The following CENPW variants were observed in gnomAD, a reference collection of about 807,000 sequenced individuals.
CENPW encodes cancer-up-regulated gene 2 protein.
Under a neutral mutation model 11.1 loss-of-function variants are expected in CENPW, and 3 were observed. That is an observed-to-expected ratio of 0.27 (90% confidence interval 0.12 to 0.70). The LOEUF is 0.70. Among genes scored for constraint, CENPW ranks in the 30% least tolerant of loss-of-function variants. The probability of loss-of-function intolerance (pLI) is 0.77; values close to 1 mark genes in which losing one functional copy is unlikely to be tolerated. For synonymous variants in CENPW, 38 were observed against 42.0 expected, an observed-to-expected ratio of 0.91 and a Z score of 0.37; for missense variants, 100 against 105.6, an observed-to-expected ratio of 0.95 and a Z score of 0.23.
chr6:126,342,773 T>A (rs1780338498), intron 1 of CENPW, among the ~76,000 whole-genome samples: 1 of 152,190 alleles, frequency 6.6e-6, no homozygotes, highest in Non-Finnish European at 1.5e-5. Flanking sequence ...AATTTGGAAA[T>A]TTTTGTATTC....
At chr6:126,390,618 C>T in the CENPW span, among the ~76,000 whole-genome samples, 3 of 151,794 alleles carry the variant, frequency 2.0e-5, no homozygotes, top group Admixed American at 2.0e-4. Flanking sequence ...ACAACTCCTA[C>T]CCTTGCACCA....
chr6:126,367,474 A>G, the CENPW span, among the ~76,000 whole-genome samples: 1 of 151,960 alleles, frequency 6.6e-6, no homozygotes, highest in African/African-American at 2.4e-5. Flanking sequence ...GACATGGTGG[A>G]AAAGGATAAA....
chr6:126,475,710 A>G, the CENPW span, among the ~76,000 whole-genome samples: 4 of 152,030 alleles, frequency 2.6e-5, no homozygotes, highest in Non-Finnish European at 5.9e-5. Flanking sequence ...ACTACTCTGC[A>G]AATACTTTAA....
the CENPW span, among the ~76,000 whole-genome samples, chr6:126,368,406 G>A: frequency 6.6e-6 from 1 of 152,078 alleles, no homozygotes; most frequent in Non-Finnish European, 1.5e-5. Context: ...AGGCACTTCT[G>A]AGAAAAAGTT....
the CENPW span, among the ~76,000 whole-genome samples, chr6:126,419,594 C>A: frequency 6.6e-6 from 1 of 152,132 alleles, no homozygotes; most frequent in Non-Finnish European, 1.5e-5. Context: ...TTACACAAAC[C>A]AATAACATAA....
chr6:126,408,994 G>T, the CENPW span, among the ~76,000 whole-genome samples: 1 of 151,002 alleles, frequency 6.6e-6, no homozygotes. Context: ...TACTAATTTG[G>T]GCTTTGGCTT....
chr6:126,343,635 C>T (rs982984508), intron 1 of CENPW, among the ~76,000 whole-genome samples: 1 of 152,152 alleles, frequency 6.6e-6, no homozygotes, highest in African/African-American at 2.4e-5. Flanking sequence ...TGGTGTAAGT[C>T]TAAGAGTCCA....
chr6:126,475,749 A>C, the CENPW span, among the ~76,000 whole-genome samples: 1 of 152,032 alleles, frequency 6.6e-6, no homozygotes. Flanking sequence ...GTAAACATTG[A>C]CATAGGGTCT....
At chr6:126,461,268 G>T in the CENPW span, among the ~76,000 whole-genome samples, 4 of 151,890 alleles carry the variant, frequency 2.6e-5, no homozygotes, top group Non-Finnish European at 4.4e-5. Context: ...CCCTACACAC[G>T]CTCTCTTCTC....
At chr6:126,468,784 A>G in the CENPW span, among the ~76,000 whole-genome samples, 1 of 152,138 alleles carries the variant, frequency 6.6e-6, no homozygotes, top group South Asian at 2.1e-4. Flanking sequence ...AATATGCTAT[A>G]AATTGTTGCT....
At chr6:126,365,395 C>T in the CENPW span, among the ~76,000 whole-genome samples, 1 of 152,168 alleles carries the variant, frequency 6.6e-6, no homozygotes, top group Non-Finnish European at 1.5e-5. Context: ...GGGGAAGCCT[C>T]AGGAAACTTA....
chr6:126,393,772 T>C, the CENPW span, among the ~76,000 whole-genome samples: 1 of 149,442 alleles, frequency 6.7e-6, no homozygotes, highest in African/African-American at 2.4e-5. Flanking sequence ...TATATGTGGA[T>C]ATATATTTAT....
the CENPW span, among the ~76,000 whole-genome samples, chr6:126,457,898 C>A: frequency 2.0e-5 from 3 of 151,192 alleles, no homozygotes; most frequent in African/African-American, 7.3e-5. Flanking sequence ...TATTTGGGTC[C>A]TAGAATCAAT....
At chr6:126,414,363 A>C in the CENPW span, among the ~76,000 whole-genome samples, 1 of 152,274 alleles carries the variant, frequency 6.6e-6, no homozygotes, top group South Asian at 2.1e-4. Flanking sequence ...CATTCTTCTC[A>C]TGAACACATG....
At chr6:126,457,634 T>C in the CENPW span, among the ~76,000 whole-genome samples, 6 of 151,276 alleles carry the variant, frequency 4.0e-5, no homozygotes, top group Non-Finnish European at 7.4e-5. Flanking sequence ...TATATTATTG[T>C]GTCTGATCAG....
chr6:126,341,197 T>C (rs546875220), intron 1 of CENPW, among the ~76,000 whole-genome samples: 44 of 152,354 alleles, frequency 2.9e-4, no homozygotes, highest in African/African-American at 1.0e-3. Flanking sequence ...GGAACACATA[T>C]TCCTCTGGCA....
the CENPW span, among the ~76,000 whole-genome samples, chr6:126,418,656 G>C: frequency 6.6e-6 from 1 of 151,982 alleles, no homozygotes. Context: ...GTAAACTCCA[G>C]ATAAAGTTAT....
the CENPW span, among the ~76,000 whole-genome samples, chr6:126,416,199 T>A: frequency 6.6e-6 from 1 of 152,132 alleles, no homozygotes; most frequent in Non-Finnish European, 1.5e-5. Context: ...ACTGGCAGCA[T>A]TTTGCCTGTG....
At chr6:126,371,407 C>T in the CENPW span, among the ~76,000 whole-genome samples, 1 of 152,076 alleles carries the variant, frequency 6.6e-6, no homozygotes, top group African/African-American at 2.4e-5. Context: ...ATTGCATATG[C>T]TAAACTGTCC....
Sources: gnomAD v4.1 joint callset for allele counts (sites outside exome capture counted in the v4.1 genomes callset) on GRCh38, gnomAD v4.1.1 for gene constraint, MANE v1.5 for transcripts, NCBI Gene and HGNC (gene_info 2026-07-23, HGNC 2026-07-21) for gene names.